Variants in OGG1 observed in about 807,000 individuals in gnomAD.
The protein encoded by OGG1 is N-glycosylase/DNA lyase.
In OGG1, 35 loss-of-function variants were observed where a neutral mutation model predicts 42.3. The ratio of observed to expected loss-of-function variants is 0.83; its 90% CI spans 0.63 to 1.10. OGG1 has a LOEUF of 1.10. Among genes scored for constraint, OGG1 ranks in the 50% least tolerant of loss-of-function variants. The probability of loss-of-function intolerance (pLI) is 0.00; values close to 1 mark genes in which losing one functional copy is unlikely to be tolerated. For missense variants in OGG1, 484 were observed against 446.7 expected, an observed-to-expected ratio of 1.08 and a Z score of -0.75; for synonymous variants, 189 against 179.0, an observed-to-expected ratio of 1.06 and a Z score of -0.44.
At chr3:9,763,214 C>G in intron 7 of OGG1, 1 of 1,613,790 alleles carries the variant, frequency 6.2e-7, no homozygotes, top group Non-Finnish European at 8.5e-7. Flanking sequence ...GTGCTTGATC[C>G]TGAAAGGAGA....
downstream of OGG1, among the ~76,000 whole-genome samples, chr3:9,769,234 A>G (rs1366411502): frequency 1.3e-5 from 2 of 151,472 alleles, no homozygotes; most frequent in African/African-American, 4.9e-5. Context: ...CCCACACAAG[A>G]TGACACCCAG....
At chr3:9,769,244 GAC>G (rs142285715), downstream of OGG1, among the ~76,000 whole-genome samples, 3 of 150,068 alleles carry the variant, frequency 2.0e-5, no homozygotes, top group East Asian at 2.0e-4. Context: ...ATGACACCCA[GAC>G]ACACACACAC....
Position 9,781,318 on chromosome 3 carries a change from C to A in OGG1, c.295-195C>A, listed in dbSNP as rs560757822. Among the ~76,000 whole-genome samples the A allele has an allele frequency of 5.3e-5, 8 of 152,096 alleles. No homozygotes were observed. The South Asian group carries it at 1.7e-3, about 32-fold the overall frequency. Reference sequence around the variant, plus strand: ...ATATACATACACACACACAAACACACACACACAGGCACACCCACTCTCTCT... The same window carrying A: ...ATATACATACACACACACAAACACAAACACACAGGCACACCCACTCTCTCT... On this transcript the variant is annotated intron_variant, in intron 2 of 3. Coordinates refer to the OGG1 transcript ENST00000426518.
In OGG1 at chr3:9,750,347, G is replaced by T. The variant is rs1262001121; in HGVS notation, c.61G>T (p.Ala21Ser). 5 of 1,613,842 alleles carry T rather than the reference G, an allele frequency of 3.1e-6. No individual in the cohort carries two copies. The highest frequency in any genetic ancestry group is 2.7e-5 in the African/African-American group (2 of 74,912). Residue 21 changes from alanine (A) to serine (S), a missense_variant, in exon 1 of 7, where the codon GCC becomes TCC. Coordinates refer to ENST00000344629, the MANE Select transcript of OGG1 (RefSeq NM_002542.6). Reference protein sequence around the residue: ...MGHRTLASTPALWASIPCPRS... With the variant: ...MGHRTLASTPSLWASIPCPRS... ...GCATCGTACTCTAGCCTCCACTCCT[G>T]CCCTGTGGGCCTCCATCCCGTGCCC...
At chr3:9,763,063 G>T (rs1282772639) in intron 7 of OGG1, 2 of 1,614,152 alleles carry the variant, frequency 1.2e-6, no homozygotes, top group African/African-American at 1.3e-5. Context: ...CTGCAGCAGG[G>T]GATAGGGCAG....
intron 3 of OGG1, among the ~76,000 whole-genome samples, chr3:9,784,915 G>C (rs1422319419): frequency 6.6e-6 from 1 of 151,512 alleles, no homozygotes; most frequent in Non-Finnish European, 1.5e-5. Flanking sequence ...AGTAAAAATA[G>C]TATTATACCA....
At chr3:9,761,084 C>T (rs1051454099), downstream of OGG1, 1 of 362,166 alleles carries the variant, frequency 2.8e-6, no homozygotes, top group Non-Finnish European at 5.1e-6. Context: ...TCCCTGACCT[C>T]CCTACTGAAA....
At chr3:9,789,884 G>A (rs201090588), downstream of OGG1, 165 of 1,614,218 alleles carry the variant, frequency 1.0e-4, no homozygotes, top group Non-Finnish European at 1.3e-4. Flanking sequence ...CCCATGTTTG[G>A]GGGGAGCTCC....
downstream of OGG1, among the ~76,000 whole-genome samples, chr3:9,789,241 A>G (rs1575308019): frequency 1.3e-5 from 2 of 152,206 alleles, no homozygotes; most frequent in South Asian, 4.1e-4. Context: ...CTTGGACCAA[A>G]GCAGAGGGGA....
intron 3 of OGG1, among the ~76,000 whole-genome samples, chr3:9,753,619 A>G (rs2077408224): frequency 6.6e-6 from 1 of 151,814 alleles, no homozygotes; most frequent in Admixed American, 6.6e-5. Context: ...GTGCCACTGC[A>G]CTCCAGCCTG....
chr3:9,757,101 A>G lies in OGG1; in HGVS notation c.989A>G (p.Gln330Arg), dbSNP rs752615760. 1.2e-6 allele frequency: 2 copies of G among 1,614,150 alleles called. No individual in the cohort carries two copies. The highest frequency in any genetic ancestry group is 1.7e-6 in the Non-Finnish European group (2 of 1,180,028). Residue 330 changes from glutamine to arginine, a missense_variant, in exon 7 of 7, where the codon CAG (glutamine) becomes CGG (arginine). Coordinates refer to ENST00000344629, the MANE Select transcript of OGG1 (RefSeq NM_002542.6). This position sits in a 1 kb window ranked among gnomAD's most constrained non-coding sequence, Gnocchi z 4.5. ...SADLRQSRHA[Q>R]EPPAKRRKGS... ...GACCTGCGCCAATCCCGCCATGCTC[A>G]GGAGCCACCAGCAAAGCGCAGAAAG...
chr3:9,783,907 T>A (rs1575296831), intron 3 of OGG1: 2 of 1,420,706 alleles, frequency 1.4e-6, no homozygotes, highest in East Asian at 5.1e-5. Flanking sequence ...TTCGAGGCTC[T>A]CCAGGTGATT....
chr3:9,789,683 G>A (rs757076814), downstream of OGG1: 2 of 1,609,170 alleles, frequency 1.2e-6, no homozygotes, highest in Non-Finnish European at 1.7e-6. Flanking sequence ...AGAACCTTGA[G>A]GCCCCCTTCT....
intron 2 of OGG1, among the ~76,000 whole-genome samples, chr3:9,772,296 A>T (rs557168681): frequency 6.6e-6 from 1 of 152,344 alleles, no homozygotes; most frequent in South Asian, 2.1e-4. Flanking sequence ...ACACACACAG[A>T]CTAACTGATG....
At chr3:9,767,870 C>G (rs531946410), downstream of OGG1, 3 of 1,458,180 alleles carry the variant, frequency 2.1e-6, no homozygotes, top group South Asian at 4.1e-5. Context: ...ATTCAACCTG[C>G]ATTTATTCAT....
chr3:9,766,045 T>C lies in OGG1; in HGVS notation c.*214T>C, dbSNP rs1559704496. ...ATCCATCCCCTGGCTCCAGAGATGG[T>C]CACATGACCCAGGCCTGGCCAGTCA... On this transcript the variant is annotated 3_prime_UTR_variant, in exon 8 of 8. Coordinates refer to the OGG1 transcript ENST00000302008. The C allele has an allele frequency of 2.5e-6, 4 of 1,602,582 alleles. No individual in the cohort carries two copies. In the South Asian group the frequency reaches 3.4e-5, roughly 13 times the overall value.
intron 3 of OGG1, among the ~76,000 whole-genome samples, chr3:9,784,558 C>T (rs1351137696): frequency 1.3e-5 from 2 of 151,912 alleles, no homozygotes; most frequent in Non-Finnish European, 2.9e-5. Context: ...CCCTTATGTG[C>T]ACATATTTAA....
chr3:9,783,913 T>C (rs1171961520), intron 3 of OGG1: 3 of 1,411,040 alleles, frequency 2.1e-6, no homozygotes, highest in African/African-American at 2.9e-5. Context: ...GCTCTCCAGG[T>C]GATTTAGAGG....
At chr3:9,753,003 A>G (rs1453056101) in intron 3 of OGG1, among the ~76,000 whole-genome samples, 1 of 152,000 alleles carries the variant, frequency 6.6e-6, no homozygotes, top group African/African-American at 2.4e-5. Context: ...AACCAAGATC[A>G]GACCACAGCA....
Sources: gnomAD v4.1 joint callset for allele counts (sites outside exome capture counted in the v4.1 genomes callset) on GRCh38, gnomAD v4.1.1 for gene constraint, Gnocchi (gnomAD v3.1) non-coding constraint, MANE v1.5 for transcripts, NCBI Gene and HGNC (gene_info 2026-07-23, HGNC 2026-07-21) for gene names.